The following FAM107B variants were observed in gnomAD, a reference collection of about 807,000 sequenced individuals.
FAM107B encodes the protein family with sequence similarity 107 member B.
A neutral mutation model predicts 31.5 loss-of-function variants in FAM107B; 21 were observed. The ratio of observed to expected loss-of-function variants is 0.67; its 90% CI spans 0.47 to 0.96. The LOEUF (loss-of-function observed/expected upper bound fraction) is 0.96. Ranked by LOEUF, FAM107B falls within the 40% of genes least tolerant of loss-of-function variation. The pLI is 0.00. For synonymous variants in FAM107B, 157 were observed against 141.5 expected (o/e 1.11, Z -0.78); for missense variants, 452 against 377.1 (o/e 1.20, Z -1.64).
intron 1 of FAM107B, among the ~76,000 whole-genome samples, chr10:14,757,049 G>A (rs1285353516): frequency 1.3e-5 from 2 of 152,038 alleles, no homozygotes; most frequent in Non-Finnish European, 2.9e-5. Flanking sequence ...AATAACTAAT[G>A]GGTACTAGGC....
At chr10:14,584,999 C>CAGCCTCTGATTGAA (rs1851777770) in intron 2 of FAM107B, among the ~76,000 whole-genome samples, 1 of 152,156 alleles carries the variant, frequency 6.6e-6, no homozygotes, top group Non-Finnish European at 1.5e-5. Flanking sequence ...GATTGCTCCC[C>CAGCCTCTGATTGAA]TCTTGCTGAT....
chr10:14,546,954 C>T (rs1185601783), intron 2 of FAM107B, among the ~76,000 whole-genome samples: 1 of 152,204 alleles, frequency 6.6e-6, no homozygotes, highest in African/African-American at 2.4e-5. Flanking sequence ...TGCATGGCCA[C>T]TCTAACTCTA....
At chr10:14,721,420 C>G (rs1314612918) in intron 1 of FAM107B, among the ~76,000 whole-genome samples, 3 of 152,182 alleles carry the variant, frequency 2.0e-5, no homozygotes, top group Non-Finnish European at 4.4e-5. Flanking sequence ...GGAATAGCCA[C>G]ACTGTCTTCC....
At chr10:14,542,916 C>T (rs1848356277) in intron 2 of FAM107B, among the ~76,000 whole-genome samples, 1 of 152,184 alleles carries the variant, frequency 6.6e-6, no homozygotes, top group Non-Finnish European at 1.5e-5. Context: ...CATAAATATT[C>T]CCATGAAATA....
At chr10:14,749,324 G>T (rs1832783167) in intron 1 of FAM107B, among the ~76,000 whole-genome samples, 1 of 152,170 alleles carries the variant, frequency 6.6e-6, no homozygotes, top group Non-Finnish European at 1.5e-5. Context: ...GTGACTGCCG[G>T]ATGGAAGGCT....
At chr10:14,639,088 G>A (rs1853570077) in intron 2 of FAM107B, among the ~76,000 whole-genome samples, 1 of 152,094 alleles carries the variant, frequency 6.6e-6, no homozygotes, top group African/African-American at 2.4e-5. Flanking sequence ...AAGCTATTTG[G>A]GGGGTTGAGG....
chr10:14,613,036 A>G (rs775531450), intron 2 of FAM107B, among the ~76,000 whole-genome samples: 2 of 152,100 alleles, frequency 1.3e-5, no homozygotes, highest in Non-Finnish European at 2.9e-5. Flanking sequence ...CAGCGGCGCA[A>G]TCTCAGCTCA....
chr10:14,559,132 C>G (rs907951450), intron 2 of FAM107B, among the ~76,000 whole-genome samples: 3 of 149,214 alleles, frequency 2.0e-5, no homozygotes, highest in South Asian at 2.1e-4. Flanking sequence ...AAAAAAACAC[C>G]TGGTGTCTAG....
At chr10:14,618,903 C>A (rs1191982117) in intron 2 of FAM107B, among the ~76,000 whole-genome samples, 2 of 152,058 alleles carry the variant, frequency 1.3e-5, no homozygotes, top group Non-Finnish European at 2.9e-5. Flanking sequence ...GGCCCTTAAT[C>A]TGACTGGTAA....
rs141922302 is a variant in FAM107B, at chr10:14,607,244, C to G, written c.469+60390G>C. ...ACCATAATTTCTTTTAAACCAAAAA[C>G]AAATAAGAGCAAATATTTACTTTGA... On this transcript the variant is annotated intron_variant, in intron 2 of 4. Coordinates refer to ENST00000181796, the MANE Select transcript of FAM107B (RefSeq NM_031453.4). Among the ~76,000 whole-genome samples, 306 of 152,220 alleles carry G rather than the reference C, an allele frequency of 2.0e-3. 2 individuals are homozygous for G. Among genetic ancestry groups the G allele is most frequent in the African/African-American group, 7.1e-3 (294 of 41,536 alleles).
chr10:14,572,041 A>G, intron 2 of FAM107B: 1 of 985,428 alleles, frequency 1.0e-6, no homozygotes, highest in South Asian at 4.7e-5. Context: ...ACCCAAAACA[A>G]GAATTAACCA....
chr10:14,700,759 C>T (rs1855378844), intron 1 of FAM107B, among the ~76,000 whole-genome samples: 1 of 145,042 alleles, frequency 6.9e-6, no homozygotes, highest in South Asian at 2.2e-4. Flanking sequence ...GCTGAAGCTA[C>T]TTGAAATCAC....
intron 2 of FAM107B, among the ~76,000 whole-genome samples, chr10:14,664,401 G>A (rs1242350336): frequency 1.3e-5 from 2 of 152,196 alleles, no homozygotes; most frequent in Non-Finnish European, 2.9e-5. Flanking sequence ...CATGTGCCAT[G>A]TAACAATGTT....
At chr10:14,571,244 A>AT (rs1851199207) in intron 2 of FAM107B, among the ~76,000 whole-genome samples, 2 of 152,130 alleles carry the variant, frequency 1.3e-5, no homozygotes, top group African/African-American at 4.8e-5. Flanking sequence ...AAACCATAAC[A>AT]TAAGGGGTTC....
intron 1 of FAM107B, among the ~76,000 whole-genome samples, chr10:14,762,626 C>G (rs1322150045): frequency 6.6e-6 from 1 of 151,972 alleles, no homozygotes; most frequent in African/African-American, 2.4e-5. Flanking sequence ...CATGGTTGCA[C>G]ACACCTGTAA....
At chr10:14,585,463 G>A (rs1172319615) in intron 2 of FAM107B, among the ~76,000 whole-genome samples, 2 of 152,152 alleles carry the variant, frequency 1.3e-5, no homozygotes, top group Non-Finnish European at 1.5e-5. Flanking sequence ...CAAGCCTTTA[G>A]GTGAAGCCAC....
chr10:14,679,933 A>G (rs1363605248), intron 1 of FAM107B, among the ~76,000 whole-genome samples: 3 of 152,198 alleles, frequency 2.0e-5, no homozygotes, highest in Non-Finnish European at 4.4e-5. Context: ...TCGGACTCCA[A>G]GTTCTTCAGC....
Position 14,533,907 on chromosome 10 carries a change from G to A in FAM107B, c.470-3392C>T, listed in dbSNP as rs79060155. Among the ~76,000 whole-genome samples, 7 of 152,124 alleles carry A rather than the reference G, an allele frequency of 4.6e-5. No individual in the cohort carries two copies. In the East Asian group the frequency reaches 5.8e-4, roughly 13 times the overall value. Reference sequence around the variant, plus strand: ...AGCCTGTCTCCTATTAGAGAGACACGGGCACTGCGAGCCGGTGCAGGAGGG... The same window carrying A: ...AGCCTGTCTCCTATTAGAGAGACACAGGCACTGCGAGCCGGTGCAGGAGGG... On this transcript the variant is annotated intron_variant, in intron 2 of 4. Transcript: ENST00000181796.
chr10:14,706,953 C>A (rs184609537), intron 1 of FAM107B, among the ~76,000 whole-genome samples: 2 of 151,954 alleles, frequency 1.3e-5, no homozygotes, highest in South Asian at 2.1e-4. Context: ...GGTGAAACCC[C>A]GTATCTACTA....
Sources: allele counts gnomAD v4.1 joint callset (sites outside exome capture counted in the v4.1 genomes callset), GRCh38; gene constraint gnomAD v4.1.1; transcripts MANE v1.5; gene names NCBI Gene and HGNC (gene_info 2026-07-23, HGNC 2026-07-21).